Variants in GUCY1A2 observed in about 807,000 individuals in gnomAD.
The protein encoded by GUCY1A2 is guanylate cyclase 1 soluble subunit alpha 2, also known as guanylate cyclase soluble subunit alpha-2.
In GUCY1A2, 27 loss-of-function variants were observed where a neutral mutation model predicts 63.5. That is an observed-to-expected ratio of 0.43 (90% confidence interval 0.31 to 0.59). GUCY1A2 has a LOEUF of 0.59. Among genes scored for constraint, GUCY1A2 ranks in the 20% least tolerant of loss-of-function variants. GUCY1A2 has a pLI of 0.11. For missense variants in GUCY1A2, 768 were observed against 913.3 expected (o/e 0.84, Z 2.05); for synonymous variants, 364 against 343.5 (o/e 1.06, Z -0.66).
intron 6 of GUCY1A2, among the ~76,000 whole-genome samples, chr11:106,755,338 T>TCTAC (rs1476047185): frequency 6.6e-6 from 1 of 152,182 alleles, no homozygotes; most frequent in Non-Finnish European, 1.5e-5. Flanking sequence ...TTTTTGTGTC[T>TCTAC]CTACCTCCTT....
intron 3 of GUCY1A2, among the ~76,000 whole-genome samples, chr11:106,954,496 T>C (rs566266912): frequency 6.6e-6 from 1 of 152,306 alleles, no homozygotes; most frequent in Non-Finnish European, 1.5e-5. Flanking sequence ...TGATCTAGGG[T>C]AGAGAGTTCC....
chr11:106,948,355 T>G (rs1267346067), intron 3 of GUCY1A2, among the ~76,000 whole-genome samples: 1 of 152,144 alleles, frequency 6.6e-6, no homozygotes, highest in Non-Finnish European at 1.5e-5. Context: ...AAGTAGGATT[T>G]ATATCAGAAA....
chr11:107,012,641 T>C (rs182455682), intron 1 of GUCY1A2, among the ~76,000 whole-genome samples: 1 of 152,312 alleles, frequency 6.6e-6, no homozygotes, highest in East Asian at 1.9e-4. Context: ...TTCAACTCTG[T>C]CATGTTGTTT....
chr11:106,839,143 A>G (rs531215657), intron 4 of GUCY1A2, among the ~76,000 whole-genome samples: 283 of 152,038 alleles, frequency 1.9e-3, no homozygotes, highest in South Asian at 2.9e-3. Context: ...ATCTTGAATT[A>G]ATTTTTGTAT....
chr11:106,891,040 C>T (rs190345145), intron 4 of GUCY1A2, among the ~76,000 whole-genome samples: 1 of 152,248 alleles, frequency 6.6e-6, no homozygotes, highest in Admixed American at 6.5e-5. Flanking sequence ...ATTAACATTA[C>T]TAGTGATTGC....
chr11:106,979,387 G>A (rs961470592), intron 2 of GUCY1A2, among the ~76,000 whole-genome samples: 31 of 151,136 alleles, frequency 2.1e-4, no homozygotes, highest in South Asian at 6.3e-4. Context: ...CCCAGGAGGC[G>A]GAGCTTGCAG....
intron 6 of GUCY1A2, among the ~76,000 whole-genome samples, chr11:106,740,211 G>C (rs576511476): frequency 6.6e-6 from 1 of 151,908 alleles, no homozygotes; most frequent in African/African-American, 2.4e-5. Context: ...TGTTGGTCTG[G>C]CTGGTCTCAA....
In GUCY1A2 at chr11:106,915,309, T is replaced by G. The variant is rs146939995; in HGVS notation, c.1206+24151A>C. 3.8e-4 allele frequency among the ~76,000 whole-genome samples: 58 copies of G among 152,122 alleles called. 1 individual carries two copies. The East Asian group carries it at 0.011, about 29-fold the overall frequency. Reference sequence around the variant, plus strand: ...CTGTGGATCAAAGCATATGGATAAGTGACAAGAATGGCAGCAACCTTATAG... The same window carrying G: ...CTGTGGATCAAAGCATATGGATAAGGGACAAGAATGGCAGCAACCTTATAG... On this transcript the variant is annotated intron_variant, in intron 4 of 7. Transcript: ENST00000526355.
chr11:106,849,699 ACT>A (rs201507667), intron 4 of GUCY1A2, among the ~76,000 whole-genome samples: 2 of 150,690 alleles, frequency 1.3e-5, no homozygotes, highest in Admixed American at 6.6e-5. Flanking sequence ...CATTTAAGAC[ACT>A]CTTTTGAAAA....
intron 6 of GUCY1A2, among the ~76,000 whole-genome samples, chr11:106,724,246 C>T (rs1287980478): frequency 6.6e-6 from 1 of 152,230 alleles, no homozygotes; most frequent in Non-Finnish European, 1.5e-5. Flanking sequence ...GGGCACATGG[C>T]AGGCAGAATT....
intron 1 of GUCY1A2, among the ~76,000 whole-genome samples, chr11:106,988,910 C>T (rs1861436244): frequency 6.6e-6 from 1 of 152,204 alleles, no homozygotes; most frequent in Non-Finnish European, 1.5e-5. Flanking sequence ...ATCTCAGCCT[C>T]TCTGACCTGA....
intron 4 of GUCY1A2, among the ~76,000 whole-genome samples, chr11:106,833,194 G>A (rs751973139): frequency 4.6e-5 from 7 of 151,962 alleles, no homozygotes; most frequent in Non-Finnish European, 7.4e-5. Flanking sequence ...CCACCCTACT[G>A]GCCTCATTGT....
intron 4 of GUCY1A2, chr11:106,936,615 C>T (rs1333612939): frequency 1.6e-6 from 2 of 1,259,246 alleles, no homozygotes; most frequent in East Asian, 2.5e-5. Context: ...AGAATCAAAG[C>T]TTGGTCAAGC....
intron 4 of GUCY1A2, among the ~76,000 whole-genome samples, chr11:106,871,668 G>T (rs1372499958): frequency 6.6e-6 from 1 of 152,108 alleles, no homozygotes; most frequent in Non-Finnish European, 1.5e-5. Context: ...TCCAAATAAA[G>T]TCACATTCAC....
intron 5 of GUCY1A2, among the ~76,000 whole-genome samples, chr11:106,778,309 TTTCTTTA>T (rs1864396359): frequency 6.6e-6 from 1 of 152,248 alleles, no homozygotes; most frequent in Non-Finnish European, 1.5e-5. Flanking sequence ...GAACTAATCC[TTTCTTTA>T]TTCTGTTTCC....
intron 3 of GUCY1A2, among the ~76,000 whole-genome samples, chr11:106,959,690 A>G (rs1241395880): frequency 6.6e-6 from 1 of 152,232 alleles, no homozygotes; most frequent in Non-Finnish European, 1.5e-5. Flanking sequence ...TGCCCCAGTC[A>G]GGGGCAATTC....
chr11:106,818,962 T>G (rs947192578), intron 4 of GUCY1A2, among the ~76,000 whole-genome samples: 1 of 152,096 alleles, frequency 6.6e-6, no homozygotes, highest in African/African-American at 2.4e-5. Context: ...AGAGGATGGT[T>G]CATGAGGTTT....
intron 3 of GUCY1A2, among the ~76,000 whole-genome samples, chr11:106,941,113 T>C (rs1860746941): frequency 6.6e-6 from 1 of 152,146 alleles, no homozygotes; most frequent in Admixed American, 6.5e-5. Context: ...GACAGAACTC[T>C]GGAATGATTT....
intron 3 of GUCY1A2, among the ~76,000 whole-genome samples, chr11:106,962,813 A>G (rs1248132027): frequency 1.3e-5 from 2 of 150,028 alleles, no homozygotes; most frequent in Non-Finnish European, 3.0e-5. Context: ...ACATATATGT[A>G]TAATCTGAAA....
Sources: allele counts gnomAD v4.1 joint callset (sites outside exome capture counted in the v4.1 genomes callset), GRCh38; gene constraint gnomAD v4.1.1; transcripts MANE v1.5; gene names NCBI Gene and HGNC (gene_info 2026-07-23, HGNC 2026-07-21).